Variants in KNL1 observed in about 807,000 individuals in gnomAD.
KNL1 encodes the protein kinetochore scaffold 1, also known as outer kinetochore KNL1 complex subunit KNL1.
KNL1 carries 66 observed loss-of-function variants against 201.3 expected under a neutral mutation model. The ratio of observed to expected loss-of-function variants is 0.33; its 90% CI spans 0.27 to 0.40. The LOEUF is 0.40. Among genes scored for constraint, KNL1 ranks in the 10% least tolerant of loss-of-function variants. KNL1 has a pLI of 1.00. For synonymous variants in KNL1, 895 were observed against 899.2 expected (o/e 1.00, Z 0.08); for missense variants, 2,815 against 2,690.5 (o/e 1.05, Z -1.02).
Position 40,624,431 on chromosome 15 carries a change from A to G in KNL1, c.4167A>G (p.Gln1389=). The change falls in exon 10 of 26, where the codon CAA becomes CAG. Residue 1389 remains glutamine, a synonymous_variant. Transcript: ENST00000399668. The stretch of plus-strand genomic sequence containing the variant: ...GTGTTATAACACTGCACAAAGATCA[A>G]GATCTGATTAAGGATCCACGAAATC... The part of the protein sequence containing the change: ...LDCVITLHKD[Q]DLIKDPRNLL... 1.9e-6 allele frequency: 3 copies of G among 1,614,014 alleles called. No individual in the cohort carries two copies. The highest frequency in any genetic ancestry group is 2.5e-6 in the Non-Finnish European group (3 of 1,179,932).
rs35446763 is a variant in KNL1, at chr15:40,608,745, CA to C, written c.136-86del. On this transcript the variant is annotated intron_variant, in intron 4 of 25. Transcript: ENST00000399668. ...GGGCAACAAGAGCGAAACTCCATCT[CA>C]AAAAAAAAAAAAAAAGGACTTGATC... 201,012 of 531,884 alleles carry C rather than the reference CA, an allele frequency of 0.38. 10,062 individuals are homozygous for C. The highest frequency in any genetic ancestry group is 0.4 in the African/African-American group (15,855 of 39,426). The allele number at this position is 531,884 out of a possible 1,614,324, so 32.9% of individuals were successfully genotyped here. A position where few individuals can be genotyped will look rare whatever the true frequency, so the allele number is the denominator to read the frequency against.
intron 1 of KNL1, among the ~76,000 whole-genome samples, chr15:40,597,617 C>T (rs1331890031): frequency 6.6e-6 from 1 of 152,082 alleles, no homozygotes; most frequent in Non-Finnish European, 1.5e-5. Context: ...AAGAGTTTGG[C>T]CGTACCAGTG....
chr15:40,611,265 C>A (rs1892150940), intron 6 of KNL1, among the ~76,000 whole-genome samples: 1 of 151,918 alleles, frequency 6.6e-6, no homozygotes, highest in Non-Finnish European at 1.5e-5. Context: ...CACGCCACCA[C>A]ACCTGGCTAA....
At chr15:40,661,987 G>A (rs1320222171) in intron 25 of KNL1, 87 bp from the exon 26 acceptor site, 1 of 704,102 alleles carries the variant, frequency 1.4e-6, no homozygotes, top group African/African-American at 1.8e-5. Context: ...CTTGCAGTGA[G>A]CGGATTGCGC....
rs747205345 is a variant in KNL1, at chr15:40,620,710, A to G, written c.446A>G (p.Asn149Ser). The change falls in exon 10 of 26, where the codon AAC becomes AGC. Residue 149 changes from asparagine (N) to serine (S), a missense_variant. This residue lies in a region of KNL1 where 2,464 missense variants were observed against 2,291.7 expected (regional missense o/e 1.08). Coordinates refer to ENST00000399668, the MANE Select transcript of KNL1 (RefSeq NM_144508.5). ...CAGACAGTCATTTTTTCAGATGAAA[A>G]CCAGATGGACCTGACATCAAGTCAC... Reference protein sequence around the residue: ...NDQTVIFSDENQMDLTSSHTV... With the variant: ...NDQTVIFSDESQMDLTSSHTV... 6.2e-7 allele frequency: 1 copy of G among 1,606,532 alleles called. No homozygotes were observed. The highest frequency in any genetic ancestry group is 1.8e-5 in the Admixed American group (1 of 57,134).
At chr15:40,625,929 G>T in intron 10 of KNL1, 1 of 321,882 alleles carries the variant, frequency 3.1e-6, no homozygotes, top group East Asian at 6.7e-5. Context: ...ATTTCAAAAG[G>T]TATGTATACT....
At chr15:40,605,268 A>G in intron 3 of KNL1, 119 bp downstream of exon 3, 1 of 601,110 alleles carries the variant, frequency 1.7e-6, no homozygotes, top group Non-Finnish European at 3.0e-6. Context: ...GTTGCTCTCT[A>G]GATAAAGACT....
chr15:40,633,110 T>A (rs1294619452), intron 13 of KNL1, among the ~76,000 whole-genome samples: 2 of 149,048 alleles, frequency 1.3e-5, no homozygotes, highest in Non-Finnish European at 3.0e-5. Context: ...AGGTGGGTCA[T>A]TTGAGGCCAG....
chr15:40,661,385 G>A (rs1450034844), intron 25 of KNL1, among the ~76,000 whole-genome samples: 2 of 151,972 alleles, frequency 1.3e-5, no homozygotes, highest in African/African-American at 4.8e-5. Flanking sequence ...CCAGCTACTC[G>A]GGAGGCCGAG....
intron 13 of KNL1, among the ~76,000 whole-genome samples, chr15:40,632,396 C>T (rs945079647): frequency 6.6e-6 from 1 of 151,856 alleles, no homozygotes; most frequent in Admixed American, 6.6e-5. Flanking sequence ...ATTGCTTGAC[C>T]CTAGGAATTT....
chr15:40,660,587 C>T (rs897643118), intron 25 of KNL1, among the ~76,000 whole-genome samples: 16 of 151,100 alleles, frequency 1.1e-4, no homozygotes, highest in African/African-American at 3.9e-4. Context: ...ATTGCTTGAA[C>T]CCAGGAGGTG....
rs1276014444 is a variant in KNL1 at position 40,622,116 on chromosome 15, A to T, written c.1852A>T (p.Ser618Cys). ...SSDECEEITK[S>C]RNEPFQRSDI... ...AGATGAATGTGAAGAAATTACCAAA[A>T]GTCGTAATGAACCATTTCAGCGATC... Residue 618 changes from serine to cysteine, a missense_variant, in exon 10 of 26, where the codon AGT becomes TGT. By Grantham distance (112) the Ser-to-Cys change is moderately radical. Around this residue, in one of 3 missense-constraint regions of KNL1, gnomAD observed 2,464 missense variants for 2,291.7 expected, o/e 1.08. Transcript: ENST00000399668. 1 of 1,613,986 alleles carries T rather than the reference A, an allele frequency of 6.2e-7. No individual in the cohort carries two copies. The highest frequency in any genetic ancestry group is 8.5e-7 in the Non-Finnish European group (1 of 1,179,974).
chr15:40,640,846 G>C, intron 13 of KNL1, 66 bp from the exon 14 acceptor site: 1 of 954,466 alleles, frequency 1.0e-6, no homozygotes, highest in Non-Finnish European at 1.6e-6. Context: ...TGAAATTTGA[G>C]TTAATTCTTA....
chr15:40,625,786 T>A, intron 10 of KNL1, 146 bp downstream of exon 10: 1 of 607,316 alleles, frequency 1.6e-6, no homozygotes, highest in Admixed American at 3.1e-5. Context: ...GAAATATTCT[T>A]ATGTAGAACC....
intron 13 of KNL1, among the ~76,000 whole-genome samples, chr15:40,637,047 C>A (rs1235508279): frequency 6.7e-6 from 1 of 148,678 alleles, no homozygotes; most frequent in African/African-American, 2.5e-5. Flanking sequence ...CGTCTTATGC[C>A]TTTTTTTTTT....
intron 7 of KNL1, among the ~76,000 whole-genome samples, chr15:40,611,814 C>A (rs1020077305): frequency 2.0e-5 from 3 of 151,944 alleles, no homozygotes; most frequent in African/African-American, 7.2e-5. Context: ...AAGGCAAATA[C>A]CAGTAGCTCT....
At chr15:40,656,319 G>A (rs542240845) in intron 22 of KNL1, among the ~76,000 whole-genome samples, 1 of 152,078 alleles carries the variant, frequency 6.6e-6, no homozygotes, top group Non-Finnish European at 1.5e-5. Flanking sequence ...TGTAGTCCCA[G>A]CTACTCGGGA....
intron 2 of KNL1, among the ~76,000 whole-genome samples, chr15:40,603,713 C>G (rs1363093617): frequency 3.9e-5 from 6 of 152,230 alleles, no homozygotes; most frequent in Non-Finnish European, 8.8e-5. Flanking sequence ...TTAAACAGCA[C>G]TTTTATTGAA....
chr15:40,624,883 G>A lies in KNL1; in HGVS notation c.4619G>A (p.Gly1540Glu), dbSNP rs183316447. 1.5e-3 allele frequency: 2,386 copies of A among 1,612,506 alleles called. 26 individuals carry two copies. The highest frequency in any genetic ancestry group is 1.1e-3 in the South Asian group (96 of 91,048). ...GTCATTCAAACTCATGTCAATGCTG[G>A]AGAAGCACCAGATCCTGTAATTACA... is the stretch of plus-strand genomic sequence containing the variant. The part of the protein sequence containing the change: ...KQVIQTHVNA[G>E]EAPDPVITSN... Residue 1540 changes from glycine (G) to glutamate (E), a missense_variant, in exon 10 of 26, where the codon GGA becomes GAA. Around this residue, in one of 3 missense-constraint regions of KNL1, gnomAD observed 2,464 missense variants for 2,291.7 expected, o/e 1.08. Coordinates refer to ENST00000399668, the MANE Select transcript of KNL1 (RefSeq NM_144508.5).
Sources: allele counts gnomAD v4.1 joint callset (sites outside exome capture counted in the v4.1 genomes callset), GRCh38; gene constraint gnomAD v4.1.1; regional missense constraint gnomAD v4.1.1; transcripts MANE v1.5; gene names NCBI Gene and HGNC (gene_info 2026-07-23, HGNC 2026-07-21).